LTN1: variants seen among roughly 807,000 people sequenced by gnomAD.
LTN1 encodes listerin E3 ubiquitin protein ligase 1, also known as E3 ubiquitin-protein ligase listerin.
In LTN1, 88 loss-of-function variants were observed where a neutral mutation model predicts 201.2. That is an observed-to-expected ratio of 0.44 (90% CI 0.37 to 0.52). LTN1 has a LOEUF of 0.52. Among genes scored for constraint, LTN1 ranks in the 20% least tolerant of loss-of-function variants. The pLI is 0.00. For missense variants in LTN1, 1,752 were observed against 2,038.7 expected (o/e 0.86, Z 2.71); for synonymous variants, 645 against 713.5 (o/e 0.90, Z 1.53).
rs1234881491 is a variant in LTN1 at position 28,986,238 on chromosome 21, CTAAAAG to C, written c.247-7_247-2del. 1.1e-5 allele frequency: 17 copies of C among 1,565,664 alleles called. No individual in the cohort carries two copies. The Admixed American group carries it at 2.3e-4, about 22-fold the overall frequency. On this transcript the variant is annotated splice_acceptor_variant and splice_polypyrimidine_tract_variant and intron_variant, in intron 2 of 29. Coordinates refer to ENST00000361371, the MANE Select transcript of LTN1 (RefSeq NM_015565.3). LOFTEE classifies it high-confidence loss of function. This position sits in a 1 kb window ranked among gnomAD's most constrained non-coding sequence, Gnocchi z 4.1. ...ACATGGTTCCAAATTCCTGCATAGC[CTAAAAG>C]TAAGTTATTAACATCATTAGGATTA...
Position 28,982,445 on chromosome 21 carries a change from A to C in LTN1, c.577-77T>G, listed in dbSNP as rs933779589. On this transcript the variant is annotated intron_variant, in intron 4 of 29. Coordinates refer to ENST00000361371, the MANE Select transcript of LTN1 (RefSeq NM_015565.3). ...TGAACAGACAGAGCCTAGTTAAATA[A>C]AATCCACTTTTTAAAAATCCCCATA... is the stretch of plus-strand genomic sequence containing the variant. 9 of 1,085,326 alleles carry C rather than the reference A, an allele frequency of 8.3e-6. No homozygotes were observed. The Admixed American group carries it at 1.8e-4, about 22-fold the overall frequency. 67.2% of individuals were successfully genotyped at this position (1,085,326 alleles called of 1,614,324 possible). A position where few individuals can be genotyped will look rare whatever the true frequency, so the allele number is the denominator to read the frequency against.
rs370325007 is a variant in LTN1 at position 28,966,838 on chromosome 21, C to A, written c.1653G>T (p.Glu551Asp). The A allele has an allele frequency of 6.2e-7, 1 of 1,610,820 alleles. No individual in the cohort carries two copies. The highest frequency in any genetic ancestry group is 1.3e-5 in the African/African-American group (1 of 74,688). Reference protein sequence around the residue: ...FADEILESNKENEKCVSSEGE... With the variant: ...FADEILESNKDNEKCVSSEGE... ...CTTCTGAAGATACACATTTTTCATT[C>A]TCTTTATTGCTTTCAAGTATCTCAT... Residue 551 changes from glutamate to aspartate, a missense_variant, in exon 10 of 30, where the codon GAG becomes GAT. Physicochemically the swap from Glu to Asp is conservative, Grantham distance 45 (BLOSUM62 2). This residue lies in a region of LTN1 where 1,211 missense variants were observed against 1,312.8 expected (regional missense o/e 0.92). Coordinates refer to ENST00000361371, the MANE Select transcript of LTN1 (RefSeq NM_015565.3).
chr21:28,971,842 T>G (rs1358792240), intron 6 of LTN1, among the ~76,000 whole-genome samples: 4 of 152,126 alleles, frequency 2.6e-5, no homozygotes, highest in Admixed American at 6.5e-5. Context: ...CAATGCTTAT[T>G]ATATTTAAAG....
intron 26 of LTN1, among the ~76,000 whole-genome samples, chr21:28,935,647 T>A (rs1049919324): frequency 1.3e-5 from 2 of 152,058 alleles, no homozygotes; most frequent in Non-Finnish European, 2.9e-5. Context: ...AAGACCATCC[T>A]GGCTAAAACG....
rs1360013448 is a variant in LTN1, at chr21:28,965,906, C to A, written c.2122G>T (p.Val708Leu). Residue 708 changes from valine (V) to leucine (L), a missense_variant and splice_region_variant, in exon 11 of 30, where the codon GTG becomes TTG. Around this residue, in one of 3 missense-constraint regions of LTN1, gnomAD observed 1,211 missense variants for 1,312.8 expected, o/e 0.92. Transcript: ENST00000361371. The stretch of plus-strand genomic sequence containing the variant: ...AGAAGAGAATTCCATTTCAAGTCCA[C>A]CTGAAAAAAGAAAAAGAGTTAGAAA... ...RKKVLDDLTK[V>L]DLKWNSLLKI... The A allele has an allele frequency of 1.3e-6, 2 of 1,525,526 alleles. No homozygotes were observed. Among genetic ancestry groups the A allele is most frequent in the Admixed American group, 3.7e-5 (2 of 53,528 alleles). 94.5% of individuals were successfully genotyped at this position (1,525,526 alleles called of 1,614,324 possible). A position where few individuals can be genotyped will look rare whatever the true frequency, so the allele number is the denominator to read the frequency against.
At chr21:28,937,312 G>A (rs2146259577) in intron 25 of LTN1, among the ~76,000 whole-genome samples, 1 of 152,154 alleles carries the variant, frequency 6.6e-6, no homozygotes, top group Non-Finnish European at 1.5e-5. Flanking sequence ...TATCTGTATT[G>A]GTTTTAAGAT....
chr21:28,964,589 A>C, intron 11 of LTN1: 2 of 1,538,416 alleles, frequency 1.3e-6, no homozygotes, highest in Non-Finnish European at 1.8e-6. Context: ...TGTCTCTGAG[A>C]TATGCCAGTA....
intron 12 of LTN1, 113 bp from the exon 13 acceptor site, chr21:28,959,810 T>C: frequency 3.2e-6 from 3 of 933,204 alleles, no homozygotes; most frequent in Non-Finnish European, 4.6e-6. Context: ...TAAAATGTAT[T>C]AGACAAAATT....
At chr21:28,937,069 G>A (rs994156793) in intron 25 of LTN1, among the ~76,000 whole-genome samples, 3 of 152,088 alleles carry the variant, frequency 2.0e-5, no homozygotes, top group Non-Finnish European at 2.9e-5. Context: ...ATCCCTTTAC[G>A]ACAGAGAGCA....
In LTN1 at chr21:28,947,630, A is replaced by C. The variant is rs751559774; in HGVS notation, c.3345-24T>G. 4 of 1,484,372 alleles carry C rather than the reference A, an allele frequency of 2.7e-6. No individual in the cohort carries two copies. In the South Asian group the frequency reaches 4.0e-5, roughly 15 times the overall value. 92.0% of individuals were successfully genotyped at this position (1,484,372 alleles called of 1,614,324 possible). On this transcript the variant is annotated intron_variant, in intron 18 of 29. Transcript: ENST00000361371. ...AACTGTTTAAAGAAAAAAAAAACAC[A>C]AGTTAGATTTCTTCCAAACATACAG...
chr21:28,972,057 C>T (rs1447619518), intron 6 of LTN1, among the ~76,000 whole-genome samples: 1 of 152,090 alleles, frequency 6.6e-6, no homozygotes, highest in African/African-American at 2.4e-5. Flanking sequence ...TATTAAGAAG[C>T]GAGGACTCTA....
intron 23 of LTN1, 39 bp downstream of exon 23, chr21:28,943,628 A>C (rs768976281): frequency 1.4e-6 from 2 of 1,395,496 alleles, no homozygotes; most frequent in South Asian, 2.4e-5. Flanking sequence ...CTATTTTTTT[A>C]GACCACTGTA....
chr21:28,984,956 C>T, intron 3 of LTN1, 34 bp from the exon 4 acceptor site: 3 of 1,491,232 alleles, frequency 2.0e-6, no homozygotes. Context: ...TAAAATAGCT[C>T]TAGCCCATAA....
chr21:28,970,448 A>C, intron 8 of LTN1, 104 bp downstream of exon 8: 1 of 778,170 alleles, frequency 1.3e-6, no homozygotes, highest in Non-Finnish European at 2.1e-6. Flanking sequence ...AAAAGTATTT[A>C]ATGAATAGTA....
chr21:28,987,001 C>T, intron 1 of LTN1, 67 bp from the exon 2 acceptor site: 1 of 1,019,760 alleles, frequency 9.8e-7, no homozygotes, highest in South Asian at 1.4e-5. Context: ...CTTTATAATT[C>T]CTTGGCTATT....
intron 9 of LTN1, chr21:28,967,568 G>C (rs1161612823): frequency 6.1e-6 from 1 of 164,426 alleles, no homozygotes; most frequent in Non-Finnish European, 1.3e-5. Flanking sequence ...CCCAGGGAGG[G>C]AGTGGAAGTT....
chr21:28,943,580 T>C, intron 23 of LTN1, 87 bp downstream of exon 23: 1 of 1,060,364 alleles, frequency 9.4e-7, no homozygotes, highest in East Asian at 2.6e-5. Context: ...TTAAAAATTT[T>C]ACTTTAAATA....
chr21:28,931,248 G>A lies in LTN1; in HGVS notation c.5145C>T (p.Cys1715=). Residue 1715 remains cysteine, a synonymous_variant, in exon 29 of 30, where the codon TGC becomes TGT. Coordinates refer to ENST00000361371, the MANE Select transcript of LTN1 (RefSeq NM_015565.3). ...CGTGAATGACTGAGAAACAGATCAT[G>A]CAATCTTCAACACCCTCAAAACGTT... is the stretch of plus-strand genomic sequence containing the variant. ...VDKRFEGVED[C]MICFSVIHGF... 1 of 1,612,530 alleles carries A rather than the reference G, an allele frequency of 6.2e-7. No homozygotes were observed. The highest frequency in any genetic ancestry group is 2.2e-5 in the East Asian group (1 of 44,834).
chr21:28,989,428 G>C (rs1351147567), intron 1 of LTN1, among the ~76,000 whole-genome samples: 1 of 150,952 alleles, frequency 6.6e-6, no homozygotes, highest in East Asian at 1.9e-4. Flanking sequence ...TATACCCATA[G>C]TTCAATAAAA....
Sources: gnomAD v4.1 joint callset for allele counts (sites outside exome capture counted in the v4.1 genomes callset) on GRCh38, gnomAD v4.1.1 for gene constraint, gnomAD v4.1.1 regional missense constraint, Gnocchi (gnomAD v3.1) non-coding constraint, MANE v1.5 for transcripts, NCBI Gene and HGNC (gene_info 2026-07-23, HGNC 2026-07-21) for gene names.